Variants in OR52N5 observed in about 807,000 individuals in gnomAD.
OR52N5 encodes olfactory receptor 52N5.
Under a neutral mutation model 14.1 loss-of-function variants are expected in OR52N5, and 10 were observed. That is an observed-to-expected ratio of 0.71 (90% CI 0.44 to 1.20). The LOEUF (loss-of-function observed/expected upper bound fraction) is 1.20, where lower values mean the gene tolerates loss of function less well. OR52N5 is among the 50% of genes most tolerant of loss of function. OR52N5 has a pLI of 0.00. For missense variants in OR52N5, 361 were observed against 403.2 expected, an observed-to-expected ratio of 0.90 and a Z score of 0.90; for synonymous variants, 116 against 143.0, an observed-to-expected ratio of 0.81 and a Z score of 1.35.
rs1235212747 is a variant in OR52N5, at chr11:5,778,597, A to C, written c.38T>G (p.Ile13Ser). Residue 13 changes from isoleucine to serine, a missense_variant, in exon 3 of 3, where the codon ATT becomes AGT. Physicochemically the swap from Ile to Ser is moderately radical, Grantham distance 142. Transcript: ENST00000641181. The part of the protein sequence containing the change: ...LFNSLCWFPT[I>S]HVTPPSFILN... ...AATAAAAGATGGAGGAGTCACATGA[A>C]TTGTTGGAAACCAGCATAATGAATT... is the stretch of plus-strand genomic sequence containing the variant. 1 of 1,483,790 alleles carries C rather than the reference A, an allele frequency of 6.7e-7. No homozygotes were observed. Among genetic ancestry groups the C allele is most frequent in the Non-Finnish European group, 9.2e-7 (1 of 1,088,044 alleles). 91.9% of individuals were successfully genotyped at this position (1,483,790 alleles called of 1,614,324 possible).
intron 2 of OR52N5, among the ~76,000 whole-genome samples, chr11:5,779,569 T>A (rs1854532492): frequency 7.1e-6 from 1 of 140,000 alleles, no homozygotes; most frequent in Non-Finnish European, 1.6e-5. Flanking sequence ...TTTTTACTCT[T>A]ATGACCTCAA....
chr11:5,779,592 T>C (rs542507836), intron 2 of OR52N5, among the ~76,000 whole-genome samples: 2 of 140,208 alleles, frequency 1.4e-5, no homozygotes, highest in Admixed American at 7.3e-5. Context: ...ATAACCAACA[T>C]GAAGATAATT....
rs770208341 is a variant in OR52N5, at chr11:5,778,446, T to C, written c.189A>G (p.Leu63=). The change falls in exon 3 of 3, where the codon TTA becomes TTG. Residue 63 remains leucine, a synonymous_variant. Transcript: ENST00000641181. ...CAAAAAAAAAATACATCGGATGATGTAAGGACTCCTCATAATAAATGAGGT... is the reference window on the plus strand; with the variant it reads ...CAAAAAAAAAATACATCGGATGATGCAAGGACTCCTCATAATAAATGAGGT... The part of the protein sequence containing the change: ...LVYLIYYEES[L]HHPMYFFFGH... 2.0e-6 allele frequency: 3 copies of C among 1,514,956 alleles called. 1 individual carries two copies. The Admixed American group carries it at 5.4e-5, about 27-fold the overall frequency. The allele number at this position is 1,514,956 out of a possible 1,614,324, so 93.8% of individuals were successfully genotyped here. A position where few individuals can be genotyped will look rare whatever the true frequency, so the allele number is the denominator to read the frequency against.
In OR52N5 at chr11:5,776,876, T is replaced by C. The variant is rs1854497789; in HGVS notation, c.*784A>G. ...TCTGGTATCTCTTCAACATATTGTT[T>C]TTCTTTTTTTGGATATATATTGTTG... On this transcript the variant is annotated 3_prime_UTR_variant, in exon 3 of 3. Coordinates refer to ENST00000641181, the MANE Select transcript of OR52N5 (RefSeq NM_001385662.1). 2 of 140,108 alleles carry C rather than the reference T, an allele frequency of 1.4e-5. 1 individual carries two copies. The highest frequency in any genetic ancestry group is 1.5e-4 in the Admixed American group (2 of 13,522). The allele number at this position is 140,108 out of a possible 1,614,324, so 8.7% of individuals were successfully genotyped here.
At position 5,782,868 on chromosome 11, in the gene OR52N5, C is replaced by G. The variant is rs140857339; in HGVS notation, c.-248+427G>C. Among the ~76,000 whole-genome samples the G allele has an allele frequency of 4.3e-3, 600 of 138,922 alleles. 96 individuals carry two copies. Among genetic ancestry groups the G allele is most frequent in the African/African-American group, 0.015 (569 of 37,930 alleles). The allele number at this position is 138,922 out of a possible 152,430, so 91.1% of individuals were successfully genotyped here. On this transcript the variant is annotated intron_variant, in intron 1 of 2. Transcript: ENST00000641181. ...ACTGACTCCAAGTTGTATGACCCAACTTAAGAAAAGGGAGGGACTGGGAAA... is the reference window on the plus strand; with the variant it reads ...ACTGACTCCAAGTTGTATGACCCAAGTTAAGAAAAGGGAGGGACTGGGAAA...
rs1854538420 is a variant in OR52N5 at position 5,780,267 on chromosome 11, C to A, written c.-24+1266G>T. Among the ~76,000 whole-genome samples the A allele has an allele frequency of 1.4e-5, 2 of 139,308 alleles. 1 individual carries two copies. The highest frequency in any genetic ancestry group is 3.2e-5 in the Non-Finnish European group (2 of 63,022). The allele number at this position is 139,308 out of a possible 152,430, so 91.4% of individuals were successfully genotyped here. A position where few individuals can be genotyped will look rare whatever the true frequency, so the allele number is the denominator to read the frequency against. On this transcript the variant is annotated intron_variant, in intron 2 of 2. Transcript: ENST00000641181. ...TTCTAACCACTTATAAGTATCCTGG[C>A]TTAAACAATGCATTATATAGTCAAT...
chr11:5,778,583 G>T lies in OR52N5; in HGVS notation c.52C>A (p.Pro18Thr). Residue 18 changes from proline to threonine, a missense_variant, in exon 3 of 3, where the codon CCA becomes ACA. Pro to Thr is a conservative substitution (Grantham distance 38, BLOSUM62 -1). Coordinates refer to ENST00000641181, the MANE Select transcript of OR52N5 (RefSeq NM_001385662.1). Reference sequence around the variant, plus strand: ...GGTATTCCATTAAGAATAAAAGATGGAGGAGTCACATGAATTGTTGGAAAC... The same window carrying T: ...GGTATTCCATTAAGAATAAAAGATGTAGGAGTCACATGAATTGTTGGAAAC... Reference protein sequence around the residue: ...CWFPTIHVTPPSFILNGIPGL... With the variant: ...CWFPTIHVTPTSFILNGIPGL... 2.7e-6 allele frequency: 4 copies of T among 1,486,888 alleles called. 2 individuals are homozygous for T. Among genetic ancestry groups the T allele is most frequent in the Non-Finnish European group, 3.7e-6 (4 of 1,088,468 alleles). 92.1% of individuals were successfully genotyped at this position (1,486,888 alleles called of 1,614,324 possible).
At chr11:5,782,686 T>C (rs1277361169) in intron 1 of OR52N5, among the ~76,000 whole-genome samples, 2 of 139,876 alleles carry the variant, frequency 1.4e-5, no homozygotes, top group African/African-American at 5.2e-5. Flanking sequence ...GATGATAACT[T>C]GGGCACCAGT....
chr11:5,778,688 A>G lies in OR52N5; in HGVS notation c.-23-31T>C, dbSNP rs1375995730. 6.6e-6 allele frequency: 8 copies of G among 1,203,694 alleles called. 1 individual carries two copies. The highest frequency in any genetic ancestry group is 9.1e-6 in the Non-Finnish European group (8 of 875,138). 74.6% of individuals were successfully genotyped at this position (1,203,694 alleles called of 1,614,324 possible). ...GAGAAGGAATTATGAAACAAATTTCATTCAAATTTTCCTTGCAAATACAAA... is the reference window on the plus strand; with the variant it reads ...GAGAAGGAATTATGAAACAAATTTCGTTCAAATTTTCCTTGCAAATACAAA... On this transcript the variant is annotated intron_variant, in intron 2 of 2. Coordinates refer to ENST00000641181, the MANE Select transcript of OR52N5 (RefSeq NM_001385662.1).
rs1413506165 is a variant in OR52N5 at position 5,779,184 on chromosome 11, A to C, written c.-23-527T>G. Among the ~76,000 whole-genome samples the C allele has an allele frequency of 5.7e-5, 8 of 140,304 alleles. 3 individuals carry two copies. Among genetic ancestry groups the C allele is most frequent in the Non-Finnish European group, 7.9e-5 (5 of 63,346 alleles). 92.0% of individuals were successfully genotyped at this position (140,304 alleles called of 152,430 possible). On this transcript the variant is annotated intron_variant, in intron 2 of 2. Transcript: ENST00000641181. ...TCTATACTAACTGTGTGACTTGATA[A>C]GCTTTATGTCACTCTCCAAGCCTCA...
In OR52N5 at chr11:5,779,863, G is replaced by A. The variant is rs139000429; in HGVS notation, c.-23-1206C>T. ...CCTGGTATTTCTCCACCTCATCTTG[G>A]ATATAATTCATTTACAGCTCAAAGG... On this transcript the variant is annotated intron_variant, in intron 2 of 2. Coordinates refer to ENST00000641181, the MANE Select transcript of OR52N5 (RefSeq NM_001385662.1). Among the ~76,000 whole-genome samples the A allele has an allele frequency of 5.4e-4, 75 of 138,316 alleles. 12 individuals are homozygous for A. In the Middle Eastern group the frequency reaches 0.011, roughly 21 times the overall value. The allele number at this position is 138,316 out of a possible 152,430, so 90.7% of individuals were successfully genotyped here. A position where few individuals can be genotyped will look rare whatever the true frequency, so the allele number is the denominator to read the frequency against.
At position 5,778,566 on chromosome 11, in the gene OR52N5, A is replaced by G. The variant is rs1202684170; in HGVS notation, c.69T>C (p.Asn23=). The part of the protein sequence containing the change: ...IHVTPPSFIL[N]GIPGLERVHV... ...GTACTCTTTCCAGACCAGGTATTCC[A>G]TTAAGAATAAAAGATGGAGGAGTCA... is the stretch of plus-strand genomic sequence containing the variant. The change falls in exon 3 of 3, where the codon AAT becomes AAC. Residue 23 remains asparagine, a synonymous_variant. Transcript: ENST00000641181. 8 of 1,493,996 alleles carry G rather than the reference A, an allele frequency of 5.4e-6. 2 individuals carry two copies. In the African/African-American group the frequency reaches 8.6e-5, roughly 16 times the overall value. The allele number at this position is 1,493,996 out of a possible 1,614,324, so 92.5% of individuals were successfully genotyped here. A position where few individuals can be genotyped will look rare whatever the true frequency, so the allele number is the denominator to read the frequency against.
rs1369266768 is a variant in OR52N5, at chr11:5,778,173, C to T, written c.462G>A (p.Glu154=). 6.6e-7 allele frequency: 1 copy of T among 1,520,884 alleles called. No homozygotes were observed. The highest frequency in any genetic ancestry group is 2.3e-5 in the East Asian group (1 of 42,888). The allele number at this position is 1,520,884 out of a possible 1,614,324, so 94.2% of individuals were successfully genotyped here. Residue 154 remains glutamate (E), a synonymous_variant, in exon 3 of 3, where the codon GAG becomes GAA. Coordinates refer to ENST00000641181, the MANE Select transcript of OR52N5 (RefSeq NM_001385662.1). ...TLTNPIIAKA[E]LATFLRGVLL... ...ATACACCCCTCAGGAAGGTGGCAAGCTCAGCCTTGGCAATGATAGGGTTGG... is the reference window on the plus strand; with the variant it reads ...ATACACCCCTCAGGAAGGTGGCAAGTTCAGCCTTGGCAATGATAGGGTTGG...
chr11:5,780,530 G>C (rs766361081), intron 2 of OR52N5, among the ~76,000 whole-genome samples: 2 of 137,892 alleles, frequency 1.5e-5, no homozygotes, highest in Non-Finnish European at 3.2e-5. Flanking sequence ...TAGATTAACT[G>C]AGGGGGGAAA....
At chr11:5,778,913 C>A (rs989989761) in intron 2 of OR52N5, among the ~76,000 whole-genome samples, 2 of 139,240 alleles carry the variant, frequency 1.4e-5, no homozygotes, top group African/African-American at 5.3e-5. Flanking sequence ...AACTGGGGCG[C>A]AGAAAGATTG....
chr11:5,778,190 T>C lies in OR52N5; in HGVS notation c.445A>G (p.Ile149Val), dbSNP rs375265127. ...GTGGCAAGCTCAGCCTTGGCAATGA[T>C]AGGGTTGGTGAGTGTGGTAGCATAA... ...LRYATTLTNPIIAKAELATFL... is the reference protein window; with the variant it reads ...LRYATTLTNPVIAKAELATFL... The change falls in exon 3 of 3, where the codon ATC becomes GTC. Residue 149 changes from isoleucine (I) to valine (V), a missense_variant. By Grantham distance (29) the Ile-to-Val change is conservative (BLOSUM62 3). Transcript: ENST00000641181. 6 of 1,520,396 alleles carry C rather than the reference T, an allele frequency of 3.9e-6. 1 individual carries two copies. The highest frequency in any genetic ancestry group is 4.5e-6 in the Non-Finnish European group (5 of 1,113,986). 94.2% of individuals were successfully genotyped at this position (1,520,396 alleles called of 1,614,324 possible).
chr11:5,783,225 T>C (rs1342669936), intron 1 of OR52N5, 70 bp downstream of exon 1: 1 of 139,788 alleles, frequency 7.2e-6, no homozygotes, highest in Non-Finnish European at 1.6e-5. Flanking sequence ...ATCCTTATGA[T>C]GACACAAACT....
At position 5,778,324 on chromosome 11, in the gene OR52N5, T is replaced by A; in HGVS notation, c.311A>T (p.Asn104Ile). 3 of 1,520,382 alleles carry A rather than the reference T, an allele frequency of 2.0e-6. No homozygotes were observed. Among genetic ancestry groups the A allele is most frequent in the Non-Finnish European group, 2.7e-6 (3 of 1,114,206 alleles). The allele number at this position is 1,520,382 out of a possible 1,614,324, so 94.2% of individuals were successfully genotyped here. A position where few individuals can be genotyped will look rare whatever the true frequency, so the allele number is the denominator to read the frequency against. ...FWFSLKEINF[N>I]ACLAQMFFVH... is the part of the protein sequence containing the mutation. ...AAAGAACATCTGGGCCAAGCAAGCA[T>A]TGAAGTTAATTTCTTTGAGACTGAA... Residue 104 changes from asparagine to isoleucine, a missense_variant, in exon 3 of 3, where the codon AAT becomes ATT. Asn to Ile is a moderately radical substitution (Grantham distance 149). Coordinates refer to ENST00000641181, the MANE Select transcript of OR52N5 (RefSeq NM_001385662.1).
rs935907256 is a variant in OR52N5, at chr11:5,777,845, C to G, written c.790G>C (p.Ala264Pro). The G allele has an allele frequency of 6.6e-7, 1 of 1,519,402 alleles. No homozygotes were observed. Among genetic ancestry groups the G allele is most frequent in the Admixed American group, 1.8e-5 (1 of 55,478 alleles). 94.1% of individuals were successfully genotyped at this position (1,519,402 alleles called of 1,614,324 possible). The stretch of plus-strand genomic sequence containing the variant: ...CGGTGGGCAAAGAAAGTGAAGAATG[C>G]TGGAACATAGGTGATGATGATGGCA... ...ISAIIITYVP[A>P]FFTFFAHRFG... The change falls in exon 3 of 3, where the codon GCA (alanine) becomes CCA (proline). Residue 264 changes from alanine to proline, a missense_variant. Physicochemically the swap from Ala to Pro is conservative, Grantham distance 27 (BLOSUM62 -1). Transcript: ENST00000641181.
Sources: allele counts gnomAD v4.1 joint callset (sites outside exome capture counted in the v4.1 genomes callset), GRCh38; gene constraint gnomAD v4.1.1; transcripts MANE v1.5; gene names NCBI Gene and HGNC (gene_info 2026-07-23, HGNC 2026-07-21).